GNG7: variants seen among roughly 807,000 people sequenced by gnomAD.
GNG7 encodes G protein subunit gamma 7.
A neutral mutation model predicts 4.0 loss-of-function variants in GNG7; 1 was observed. That is an observed-to-expected ratio of 0.25 (90% confidence interval 0.09 to 1.18). GNG7 has a LOEUF of 1.18. GNG7 is among the 50% of genes most tolerant of loss of function. The pLI is 0.50. For synonymous variants in GNG7, 34 were observed against 36.9 expected (o/e 0.92, Z 0.29); for missense variants, 86 against 91.9 (o/e 0.94, Z 0.26).
At chr19:2,564,209 T>A (rs115212238) in intron 2 of GNG7, among the ~76,000 whole-genome samples, 2,648 of 152,288 alleles carry the variant, frequency 0.017, 82 homozygotes, top group African/African-American at 0.061. Context: ...AGATGGAAGA[T>A]GATACGGATC....
chr19:2,630,733 A>T (rs902278877), intron 2 of GNG7: 10 of 151,442 alleles, frequency 6.6e-5, no homozygotes, highest in African/African-American at 2.4e-4. Flanking sequence ...GTTTGGACAT[A>T]GTGTGGCTGG....
chr19:2,565,125 G>A lies in GNG7; in HGVS notation c.-77-9937C>T, dbSNP rs527506351. Among the ~76,000 whole-genome samples the A allele has an allele frequency of 1.4e-3, 211 of 152,286 alleles. 1 individual carries two copies. Among genetic ancestry groups the A allele is most frequent in the Non-Finnish European group, 2.3e-3 (158 of 68,020 alleles). On this transcript the variant is annotated intron_variant, in intron 2 of 4. Coordinates refer to ENST00000382159, the MANE Select transcript of GNG7 (RefSeq NM_052847.3). The stretch of plus-strand genomic sequence containing the variant: ...AAGACCCTGAGGTGGAGAAGATGAC[G>A]CCTTCCTGTTGGAATCACGGGCTCA...
At chr19:2,554,147 CT>C (rs1979472488) in intron 3 of GNG7, among the ~76,000 whole-genome samples, 1 of 145,604 alleles carries the variant, frequency 6.9e-6, no homozygotes, top group Non-Finnish European at 1.5e-5. Flanking sequence ...TAGCAGTGAA[CT>C]ATAATATATT....
At chr19:2,648,799 G>A (rs555122684) in intron 1 of GNG7, among the ~76,000 whole-genome samples, 1 of 152,182 alleles carries the variant, frequency 6.6e-6, no homozygotes, top group Admixed American at 6.5e-5. Flanking sequence ...CCACGGGGCT[G>A]CAGGAGGCCC....
intron 3 of GNG7, among the ~76,000 whole-genome samples, chr19:2,526,586 A>C (rs1978404082): frequency 6.7e-6 from 1 of 148,772 alleles, no homozygotes; most frequent in Admixed American, 6.7e-5. Context: ...CTATATATTC[A>C]TATCAGTTTT....
intron 1 of GNG7, among the ~76,000 whole-genome samples, chr19:2,696,315 AAAG>A (rs1348027463): frequency 6.9e-6 from 1 of 144,646 alleles, no homozygotes; most frequent in East Asian, 1.9e-4. Flanking sequence ...AGAAAGAAAG[AAAG>A]AAAGAAAGAA....
At chr19:2,533,513 C>G (rs1978655905) in intron 3 of GNG7, among the ~76,000 whole-genome samples, 1 of 152,058 alleles carries the variant, frequency 6.6e-6, no homozygotes. Context: ...TTGCTAAAAT[C>G]CATCAAACTG....
In GNG7 at chr19:2,556,375, G is replaced by T. The variant is rs933524350; in HGVS notation, c.-77-1187C>A. Among the ~76,000 whole-genome samples the T allele has an allele frequency of 4.9e-4, 75 of 152,238 alleles. 5 individuals carry two copies. The highest frequency in any genetic ancestry group is 2.9e-5 in the Non-Finnish European group (2 of 68,036). The stretch of plus-strand genomic sequence containing the variant: ...AGGCCCAGCTTCCTGAGCTGCTCGA[G>T]GCCGGGCTGGGCCGGGTTCACGTGG... On this transcript the variant is annotated intron_variant, in intron 2 of 4. Coordinates refer to ENST00000382159, the MANE Select transcript of GNG7 (RefSeq NM_052847.3).
intron 2 of GNG7, among the ~76,000 whole-genome samples, chr19:2,630,314 C>A (rs1982125808): frequency 6.6e-6 from 1 of 152,066 alleles, no homozygotes; most frequent in African/African-American, 2.4e-5. Flanking sequence ...GTGGGCAGGG[C>A]CCGTGGACAT....
chr19:2,537,471 G>A (rs555158422), intron 3 of GNG7, among the ~76,000 whole-genome samples: 4 of 152,250 alleles, frequency 2.6e-5, no homozygotes, highest in African/African-American at 9.6e-5. Context: ...CTGGTCTCAA[G>A]CGATCCTCCT....
At chr19:2,562,190 G>A (rs566397529) in intron 2 of GNG7, among the ~76,000 whole-genome samples, 6 of 152,320 alleles carry the variant, frequency 3.9e-5, no homozygotes, top group South Asian at 2.1e-4. Flanking sequence ...AGCCAGAGCC[G>A]TGAGTCACCG....
chr19:2,671,666 A>C (rs549054443), intron 1 of GNG7, among the ~76,000 whole-genome samples: 9 of 152,216 alleles, frequency 5.9e-5, no homozygotes, highest in South Asian at 2.1e-4. Context: ...GGCATCAGGC[A>C]CCGCTCCTGC....
At chr19:2,684,531 G>A (rs191859474) in intron 1 of GNG7, among the ~76,000 whole-genome samples, 85 of 152,120 alleles carry the variant, frequency 5.6e-4, no homozygotes, top group African/African-American at 2.0e-3. Flanking sequence ...TACACACCCC[G>A]GAGTATGATT....
rs1303859049 is a variant in GNG7 at position 2,633,638 on chromosome 19, G to T, written c.-78+12586C>A. Among the ~76,000 whole-genome samples, 1 of 152,002 alleles carries T rather than the reference G, an allele frequency of 6.6e-6. No homozygotes were observed. The highest frequency in any genetic ancestry group is 1.5e-5 in the Non-Finnish European group (1 of 67,988). On this transcript the variant is annotated intron_variant, in intron 2 of 4. Transcript: ENST00000382159. This position sits in a 1 kb window ranked among gnomAD's most constrained non-coding sequence, Gnocchi z 5.9. ...CCTCAATCAGTAGAGTCAGGTGGTC[G>T]CAATAACAGCTCTGAAACGGGGATT...
At chr19:2,667,894 G>A (rs1050112050) in intron 1 of GNG7, among the ~76,000 whole-genome samples, 2 of 151,814 alleles carry the variant, frequency 1.3e-5, no homozygotes, top group African/African-American at 4.8e-5. Context: ...CAGCCTGGGA[G>A]ACAGAGCAAC....
intron 1 of GNG7, among the ~76,000 whole-genome samples, chr19:2,661,352 G>T (rs561026209): frequency 8.0e-5 from 12 of 150,598 alleles, no homozygotes; most frequent in African/African-American, 2.9e-4. Flanking sequence ...AAGAAAGAAA[G>T]AAAGAAAGAA....
At chr19:2,526,085 T>G (rs1406700019) in intron 3 of GNG7, among the ~76,000 whole-genome samples, 1 of 151,228 alleles carries the variant, frequency 6.6e-6, no homozygotes, top group Admixed American at 6.6e-5. Context: ...ATTCTCCTGC[T>G]TCAGCTTCCC....
intron 2 of GNG7, among the ~76,000 whole-genome samples, chr19:2,625,879 C>T (rs1982008411): frequency 6.6e-6 from 1 of 152,184 alleles, no homozygotes; most frequent in Non-Finnish European, 1.5e-5. Flanking sequence ...ACTCCGCCTC[C>T]CGGGTTCAAG....
intron 1 of GNG7, among the ~76,000 whole-genome samples, chr19:2,661,270 A>AAAGAAAGAAAGGAAGGAAGGAAGG (rs1568277669): frequency 4.2e-5 from 3 of 70,928 alleles, no homozygotes; most frequent in Non-Finnish European, 5.2e-5. Context: ...AGAAAGAAAG[A>AAAGAAAGAAAGGAAGGAAGGAAGG]AAAGAAAGAA....
Sources: allele counts gnomAD v4.1 joint callset (sites outside exome capture counted in the v4.1 genomes callset), GRCh38; gene constraint gnomAD v4.1.1; non-coding constraint Gnocchi (gnomAD v3.1); transcripts MANE v1.5; gene names NCBI Gene and HGNC (gene_info 2026-07-23, HGNC 2026-07-21).